PARG: variants seen among roughly 807,000 people sequenced by gnomAD.
The protein encoded by PARG is poly(ADP-ribose) glycohydrolase, also known as mitochondrial poly(ADP-ribose) glycohydrolase.
Under a neutral mutation model 113.0 loss-of-function variants are expected in PARG, and 35 were observed. That is an observed-to-expected ratio of 0.31 (90% CI 0.24 to 0.41). PARG has a LOEUF of 0.41. Ranked by LOEUF, PARG falls within the 10% of genes least tolerant of loss-of-function variation. The pLI, the probability that PARG is intolerant of heterozygous loss-of-function variation, is 1.00. For missense variants in PARG, 797 were observed against 1,169.4 expected (o/e 0.68, Z 4.64); for synonymous variants, 330 against 409.9 (o/e 0.81, Z 2.36).
intron 7 of PARG, among the ~76,000 whole-genome samples, chr10:49,910,514 A>G (rs1196679741): frequency 2.0e-5 from 3 of 152,020 alleles, no homozygotes; most frequent in Non-Finnish European, 4.4e-5. Context: ...GATGCAAAAA[A>G]CAAAAGCAAA....
At chr10:49,921,981 G>C (rs1554849403) in intron 6 of PARG, among the ~76,000 whole-genome samples, 1 of 152,086 alleles carries the variant, frequency 6.6e-6, no homozygotes, top group East Asian at 1.9e-4. Context: ...GGCAAATATT[G>C]CTGAAGTCAT....
At chr10:49,842,604 A>G (rs1332583999) in intron 14 of PARG, among the ~76,000 whole-genome samples, 23 of 152,380 alleles carry the variant, frequency 1.5e-4, no homozygotes, top group African/African-American at 5.3e-4. Flanking sequence ...AAAATAACAA[A>G]GACATCAAAG....
chr10:49,865,966 T>C (rs1229355948), intron 10 of PARG, among the ~76,000 whole-genome samples: 2 of 148,264 alleles, frequency 1.3e-5, no homozygotes, highest in Non-Finnish European at 3.0e-5. Flanking sequence ...ATCACTCTAC[T>C]TGTTAGTAGC....
chr10:49,834,542 T>C (rs1158273068), intron 15 of PARG, among the ~76,000 whole-genome samples: 1 of 152,208 alleles, frequency 6.6e-6, no homozygotes, highest in Non-Finnish European at 1.5e-5. Flanking sequence ...GAAAATTATC[T>C]ATCTTGAAAA....
At chr10:49,840,984 G>A (rs1845203938) in intron 15 of PARG, among the ~76,000 whole-genome samples, 1 of 152,210 alleles carries the variant, frequency 6.6e-6, no homozygotes, top group Non-Finnish European at 1.5e-5. Flanking sequence ...GGGCACAATG[G>A]CTCATGCCTG....
chr10:49,889,283 T>C (rs1473120627), intron 7 of PARG, among the ~76,000 whole-genome samples: 1 of 152,130 alleles, frequency 6.6e-6, no homozygotes, highest in East Asian at 1.9e-4. Context: ...ATATTTGGGG[T>C]ATTATAAATC....
At chr10:49,825,899 A>G (rs1338777649) in intron 16 of PARG, among the ~76,000 whole-genome samples, 2 of 152,230 alleles carry the variant, frequency 1.3e-5, no homozygotes, top group Non-Finnish European at 2.9e-5. Flanking sequence ...AGGTGCTGAC[A>G]CAGGTTGAGT....
intron 15 of PARG, 164 bp from the exon 16 acceptor site, chr10:49,833,072 A>T (rs1844750275): frequency 6.6e-6 from 3 of 451,466 alleles, no homozygotes; most frequent in Non-Finnish European, 1.2e-5. Flanking sequence ...GGAGAAAGGG[A>T]GAGAAAAACC....
chr10:49,925,886 G>T (rs185422704), intron 4 of PARG, among the ~76,000 whole-genome samples: 3 of 152,226 alleles, frequency 2.0e-5, no homozygotes, highest in Non-Finnish European at 2.9e-5. Flanking sequence ...CTGCACAGAG[G>T]AGTGCCTCCT....
chr10:49,895,847 T>C (rs1554842642), intron 7 of PARG, among the ~76,000 whole-genome samples: 1 of 152,232 alleles, frequency 6.6e-6, no homozygotes, highest in South Asian at 2.1e-4. Context: ...GTTAAATTTA[T>C]TTCTAAGTAT....
chr10:49,869,511 G>C lies in PARG; in HGVS notation c.2033C>G (p.Thr678Arg). ...GACTCTTCTAAAGTAGCAGAAGAGC[G>C]TTTTAAGTTTCTCCGGTTTCCTTGA... The part of the protein sequence containing the change: ...RSSRKPEKLK[T>R]LFCYFRRVTE... The change falls in exon 10 of 18, where the codon ACG becomes AGG. Residue 678 changes from threonine to arginine, a missense_variant. Around this residue, in one of 5 missense-constraint regions of PARG, gnomAD observed 40 missense variants for 124.5 expected, o/e 0.32. Transcript: ENST00000616448. The C allele has an allele frequency of 8.2e-7, 1 of 1,225,660 alleles. No individual in the cohort carries two copies. Among genetic ancestry groups the C allele is most frequent in the Non-Finnish European group, 1.2e-6 (1 of 848,264 alleles). 75.9% of individuals were successfully genotyped at this position (1,225,660 alleles called of 1,614,324 possible). A position where few individuals can be genotyped will look rare whatever the true frequency, so the allele number is the denominator to read the frequency against.
At position 49,829,129 on chromosome 10, in the gene PARG, G is replaced by A. The variant is rs1844522738; in HGVS notation, c.2647+3674C>T. On this transcript the variant is annotated intron_variant, in intron 16 of 17. Coordinates refer to ENST00000616448, the MANE Select transcript of PARG (RefSeq NM_003631.5). The stretch of plus-strand genomic sequence containing the variant: ...CAGGCACCTGTAATCCCAGCCACTC[G>A]GGAGGCTGAGGGAGGAGAATTGCTT... Among the ~76,000 whole-genome samples the A allele has an allele frequency of 2.0e-5, 3 of 152,124 alleles. No individual in the cohort carries two copies. The South Asian group carries it at 6.2e-4, about 32-fold the overall frequency.
In PARG at chr10:49,856,399, T is replaced by G. The variant is rs1179262316; in HGVS notation, c.2353+907A>C. The stretch of plus-strand genomic sequence containing the variant: ...TTCATCATGTTGGCCAGGCTGGTCT[T>G]GAACTCCTGACCTCAGGCCATCTGT... On this transcript the variant is annotated intron_variant, in intron 13 of 17. Transcript: ENST00000616448. Among the ~76,000 whole-genome samples the G allele has an allele frequency of 3.0e-4, 46 of 151,792 alleles. 1 individual carries two copies. Among genetic ancestry groups the G allele is most frequent in the Admixed American group, 2.7e-3 (41 of 15,238 alleles).
chr10:49,912,611 C>T (rs1837259539), intron 7 of PARG, among the ~76,000 whole-genome samples: 1 of 151,628 alleles, frequency 6.6e-6, no homozygotes, highest in South Asian at 2.1e-4. Context: ...TGCAGTGAGC[C>T]GAGATTACAT....
rs1838559886 is a variant in PARG at position 49,932,888 on chromosome 10, G to A, written c.1271+289C>T. 4.6e-5 allele frequency among the ~76,000 whole-genome samples: 7 copies of A among 150,716 alleles called. No individual in the cohort carries two copies. The South Asian group carries it at 1.5e-3, about 32-fold the overall frequency. ...AGAAGAATGTCTGGCTGAAGAAACAGTAGCTACTATCAACCTAGTATTTTC... is the reference window on the plus strand; with the variant it reads ...AGAAGAATGTCTGGCTGAAGAAACAATAGCTACTATCAACCTAGTATTTTC... On this transcript the variant is annotated intron_variant, in intron 3 of 17. Coordinates refer to ENST00000616448, the MANE Select transcript of PARG (RefSeq NM_003631.5).
At chr10:49,856,901 C>T (rs1846019296) in intron 13 of PARG, among the ~76,000 whole-genome samples, 1 of 148,572 alleles carries the variant, frequency 6.7e-6, no homozygotes, top group Non-Finnish European at 1.5e-5. Context: ...CCCAGCTACT[C>T]GGGAGGCTGA....
intron 1 of PARG, among the ~76,000 whole-genome samples, chr10:49,940,075 G>A: frequency 6.6e-6 from 1 of 152,138 alleles, no homozygotes; most frequent in East Asian, 1.9e-4. Flanking sequence ...TGTTATCTAT[G>A]CCCATAGCAT....
intron 6 of PARG, among the ~76,000 whole-genome samples, chr10:49,918,281 C>T: frequency 6.6e-6 from 1 of 152,144 alleles, no homozygotes; most frequent in East Asian, 1.9e-4. Context: ...TGTTATTATT[C>T]CTCAAAGTTG....
At chr10:49,850,404 T>A (rs1372091251) in intron 13 of PARG, among the ~76,000 whole-genome samples, 13 of 151,316 alleles carry the variant, frequency 8.6e-5, no homozygotes, top group Non-Finnish European at 1.2e-4. Context: ...GGAAACTAAA[T>A]AAGACAAGTA....
Sources: allele counts gnomAD v4.1 joint callset (sites outside exome capture counted in the v4.1 genomes callset), GRCh38; gene constraint gnomAD v4.1.1; regional missense constraint gnomAD v4.1.1; transcripts MANE v1.5; gene names NCBI Gene and HGNC (gene_info 2026-07-23, HGNC 2026-07-21).